The following UGT3A1 variants were observed in gnomAD, a reference collection of about 807,000 sequenced individuals.
UGT3A1 encodes the protein UDP glycosyltransferase family 3 member A1, also known as UDP-glycosyltransferase 3A1.
In UGT3A1, 40 loss-of-function variants were observed where a neutral mutation model predicts 37.6. That is an observed-to-expected ratio of 1.06 (90% CI 0.83 to 1.38). The LOEUF (loss-of-function observed/expected upper bound fraction) is 1.38. Ranked by LOEUF, UGT3A1 falls within the 40% of genes most tolerant of loss-of-function variation. The pLI is 0.00. For synonymous variants in UGT3A1, 256 were observed against 232.3 expected (o/e 1.10, Z -0.93); for missense variants, 642 against 634.2 (o/e 1.01, Z -0.13).
chr5:35,980,130 T>A (rs1301840219), intron 2 of UGT3A1, among the ~76,000 whole-genome samples: 1 of 151,650 alleles, frequency 6.6e-6, no homozygotes, highest in Non-Finnish European at 1.5e-5. Context: ...TATATGCAGT[T>A]TATTATTTAC....
chr5:35,985,034 C>T (rs1195344189), intron 2 of UGT3A1, among the ~76,000 whole-genome samples: 5 of 133,798 alleles, frequency 3.7e-5, no homozygotes, highest in Non-Finnish European at 7.7e-5. Flanking sequence ...AACCAATCTA[C>T]TATTAATGGA....
At chr5:35,954,706 G>C (rs1175699786) in intron 6 of UGT3A1, 4 of 568,988 alleles carry the variant, frequency 7.0e-6, no homozygotes, top group Non-Finnish European at 1.2e-5. Flanking sequence ...AATTCTAAAA[G>C]TGTTAAACTG....
At chr5:35,974,738 G>A (rs1320259744) in intron 2 of UGT3A1, among the ~76,000 whole-genome samples, 3 of 152,132 alleles carry the variant, frequency 2.0e-5, no homozygotes, top group Non-Finnish European at 2.9e-5. Flanking sequence ...CTTGACACCC[G>A]TTAGTCAAGT....
At position 35,991,193 on chromosome 5, in the gene UGT3A1, C is replaced by A; in HGVS notation, c.48G>T (p.Gly16=). The change falls in exon 1 of 7, where the codon GGG becomes GGT. Residue 16 remains glycine, a synonymous_variant. Coordinates refer to ENST00000274278, the MANE Select transcript of UGT3A1 (RefSeq NM_152404.4). ...VLLLVAFLLS[G]VLLSEAAKIL... ...TTTTGGCAGCCTCTGAGAGCAGGACCCCAGAAAGAAGGAAGGCCACTAGAA... is the reference window on the plus strand; with the variant it reads ...TTTTGGCAGCCTCTGAGAGCAGGACACCAGAAAGAAGGAAGGCCACTAGAA... 1 of 1,614,214 alleles carries A rather than the reference C, an allele frequency of 6.2e-7. No individual in the cohort carries two copies.
chr5:35,973,115 T>G (rs1740117306), intron 2 of UGT3A1, among the ~76,000 whole-genome samples: 1 of 152,212 alleles, frequency 6.6e-6, no homozygotes, highest in Non-Finnish European at 1.5e-5. Flanking sequence ...TGTTGAATCT[T>G]CTTTATCAGT....
chr5:35,960,595 C>T (rs533893723), intron 4 of UGT3A1, among the ~76,000 whole-genome samples: 1 of 152,126 alleles, frequency 6.6e-6, no homozygotes, highest in Admixed American at 6.5e-5. Context: ...AGGGTGGGTG[C>T]CTGCAACTCC....
rs753849512 is a variant in UGT3A1, at chr5:35,954,485, G to A, written c.1296-7C>T. 10 of 1,612,940 alleles carry A rather than the reference G, an allele frequency of 6.2e-6. No individual in the cohort carries two copies. In the African/African-American group the frequency reaches 1.3e-4, roughly 22 times the overall value. ...CACCACTGCCGACTTGTACCTGTTGGCGGAGACAGAGAGGGTGTGTTACTG... is the reference window on the plus strand; with the variant it reads ...CACCACTGCCGACTTGTACCTGTTGACGGAGACAGAGAGGGTGTGTTACTG... On this transcript the variant is annotated splice_polypyrimidine_tract_variant and splice_region_variant and intron_variant, in intron 6 of 6. Transcript: ENST00000274278.
chr5:35,968,862 A>C (rs1299846758), intron 2 of UGT3A1, among the ~76,000 whole-genome samples: 1 of 152,174 alleles, frequency 6.6e-6, no homozygotes, highest in Non-Finnish European at 1.5e-5. Flanking sequence ...TCCTCACCTC[A>C]ATTCAAGTTT....
chr5:35,959,955 T>C (rs1330168796), intron 4 of UGT3A1, among the ~76,000 whole-genome samples: 1 of 152,062 alleles, frequency 6.6e-6, no homozygotes, highest in Non-Finnish European at 1.5e-5. Flanking sequence ...TCAACAATAA[T>C]ATCAGAGAGA....
intron 2 of UGT3A1, among the ~76,000 whole-genome samples, chr5:35,973,059 A>T (rs549333730): frequency 3.9e-5 from 6 of 152,308 alleles, no homozygotes; most frequent in Admixed American, 3.3e-4. Context: ...AGATAGGGAC[A>T]TATGGGCAGA....
chr5:35,955,362 T>C, intron 6 of UGT3A1: 1 of 573,198 alleles, frequency 1.7e-6, no homozygotes, highest in Non-Finnish European at 3.1e-6. Flanking sequence ...TCAGTTGGAA[T>C]TCCACTAGAG....
At chr5:35,984,542 G>A (rs1361625762) in intron 2 of UGT3A1, among the ~76,000 whole-genome samples, 3 of 146,968 alleles carry the variant, frequency 2.0e-5, no homozygotes, top group Non-Finnish European at 4.4e-5. Flanking sequence ...GGGCAAACTC[G>A]GCTCACTACA....
intron 2 of UGT3A1, among the ~76,000 whole-genome samples, chr5:35,976,887 G>GGGAA (rs142548507): frequency 0.68 from 91,942 of 135,226 alleles, 33,021 homozygotes; most frequent in South Asian, 0.82. Flanking sequence ...GAGAGAGGAA[G>GGGAA]GGAAGGAAGG....
At chr5:35,975,815 G>T (rs1740246029) in intron 2 of UGT3A1, among the ~76,000 whole-genome samples, 1 of 151,952 alleles carries the variant, frequency 6.6e-6, no homozygotes, top group Admixed American at 6.6e-5. Flanking sequence ...ATTTACATTA[G>T]GTATATCTCC....
At position 35,952,153 on chromosome 5, in the gene UGT3A1, C is replaced by T. The variant is rs925345543; in HGVS notation, c.*2049G>A. 1 of 152,170 alleles carries T rather than the reference C, an allele frequency of 6.6e-6. No homozygotes were observed. Among genetic ancestry groups the T allele is most frequent in the Non-Finnish European group, 1.5e-5 (1 of 68,038 alleles). The allele number at this position is 152,170 out of a possible 1,614,324, so 9.4% of individuals were successfully genotyped here. A position where few individuals can be genotyped will look rare whatever the true frequency, so the allele number is the denominator to read the frequency against. On this transcript the variant is annotated 3_prime_UTR_variant, in exon 7 of 7. Coordinates refer to ENST00000274278, the MANE Select transcript of UGT3A1 (RefSeq NM_152404.4). ...ATGACACTGGATACTGACAGATAAGCAGAAGTTTCTCATTCCAGCAAGAAT... is the reference window on the plus strand; with the variant it reads ...ATGACACTGGATACTGACAGATAAGTAGAAGTTTCTCATTCCAGCAAGAAT...
upstream of UGT3A1, among the ~76,000 whole-genome samples, chr5:35,992,367 C>T (rs1740978318): frequency 6.6e-6 from 1 of 151,572 alleles, no homozygotes; most frequent in Non-Finnish European, 1.5e-5. Flanking sequence ...CATACACTCA[C>T]ACACACACAC....
At chr5:36,000,845 T>G (rs1396954816) in intron 1 of UGT3A1, 2 of 152,218 alleles carry the variant, frequency 1.3e-5, no homozygotes, top group African/African-American at 4.8e-5. Flanking sequence ...TTTCACAACC[T>G]TGCTATCATT....
In UGT3A1 at chr5:35,966,057, C is replaced by A; in HGVS notation, c.312-140G>T. 4.6e-6 allele frequency: 3 copies of A among 652,404 alleles called. No individual in the cohort carries two copies. In the Admixed American group the frequency reaches 1.1e-4, roughly 23 times the overall value. The allele number at this position is 652,404 out of a possible 1,614,324, so 40.4% of individuals were successfully genotyped here. A position where few individuals can be genotyped will look rare whatever the true frequency, so the allele number is the denominator to read the frequency against. The stretch of plus-strand genomic sequence containing the variant: ...ATCAACCCATTCTACAATGTTTCAA[C>A]AAATACTCTCAGCTCTGGTCACTCT... On this transcript the variant is annotated intron_variant, in intron 3 of 6. Coordinates refer to ENST00000274278, the MANE Select transcript of UGT3A1 (RefSeq NM_152404.4).
At chr5:35,964,594 T>C (rs1278965293) in intron 4 of UGT3A1, among the ~76,000 whole-genome samples, 1 of 152,192 alleles carries the variant, frequency 6.6e-6, no homozygotes, top group Non-Finnish European at 1.5e-5. Context: ...GCCTCTGCAC[T>C]ACACAGTGGT....
Sources: allele counts gnomAD v4.1 joint callset (sites outside exome capture counted in the v4.1 genomes callset), GRCh38; gene constraint gnomAD v4.1.1; transcripts MANE v1.5; gene names NCBI Gene and HGNC (gene_info 2026-07-23, HGNC 2026-07-21).